The following CCDC73 variants were observed in gnomAD, a reference collection of about 807,000 sequenced individuals.
CCDC73 encodes coiled-coil domain-containing protein 73.
In CCDC73, 95 loss-of-function variants were observed where a neutral mutation model predicts 116.5. That is an observed-to-expected ratio of 0.82 (90% CI 0.69 to 0.97). CCDC73 has a LOEUF of 0.97. CCDC73 is among the 50% of genes least tolerant of loss of function. The pLI is 0.00. For synonymous variants in CCDC73, 398 were observed against 401.3 expected, an observed-to-expected ratio of 0.99 and a Z score of 0.10; for missense variants, 1,066 against 1,206.8, an observed-to-expected ratio of 0.88 and a Z score of 1.73.
chr11:32,742,512 T>C (rs961236483), intron 2 of CCDC73, among the ~76,000 whole-genome samples: 1 of 152,236 alleles, frequency 6.6e-6, no homozygotes, highest in African/African-American at 2.4e-5. Flanking sequence ...TGTTTGCTTT[T>C]TTCTTGTAAA....
intron 9 of CCDC73, among the ~76,000 whole-genome samples, chr11:32,666,458 T>A (rs1473506373): frequency 1.3e-5 from 2 of 152,388 alleles, no homozygotes; most frequent in African/African-American, 4.8e-5. Context: ...AATCGGCTAC[T>A]GAAGCTTGTG....
the CCDC73 span, among the ~76,000 whole-genome samples, chr11:32,825,713 C>T: frequency 6.6e-6 from 1 of 152,218 alleles, no homozygotes; most frequent in South Asian, 2.1e-4. Flanking sequence ...GCAACTGATG[C>T]CAAATAATCT....
rs539624927 is a variant in CCDC73, at chr11:32,607,495, G to C, written c.3030+3637C>G. Reference sequence around the variant, plus strand: ...TAATTATAAAAATGGGCTTTCAAGTGAGATGTGAAATTTCCACTGTTTGAA... The same window carrying C: ...TAATTATAAAAATGGGCTTTCAAGTCAGATGTGAAATTTCCACTGTTTGAA... On this transcript the variant is annotated intron_variant, in intron 17 of 17. Coordinates refer to ENST00000335185, the MANE Select transcript of CCDC73 (RefSeq NM_001008391.4). Among the ~76,000 whole-genome samples, 25 of 152,336 alleles carry C rather than the reference G, an allele frequency of 1.6e-4. No individual in the cohort carries two copies. In the East Asian group the frequency reaches 4.8e-3, roughly 29 times the overall value.
intron 1 of CCDC73, 198 bp downstream of exon 1, chr11:32,794,415 T>C (rs1194804728): frequency 1.3e-5 from 2 of 152,216 alleles, no homozygotes; most frequent in African/African-American, 2.4e-5. Flanking sequence ...TTCTCCTGGG[T>C]CGGGAGCGTG....
chr11:32,717,740 A>G (rs1022126408), intron 3 of CCDC73, among the ~76,000 whole-genome samples: 1 of 152,222 alleles, frequency 6.6e-6, no homozygotes, highest in Non-Finnish European at 1.5e-5. Context: ...AGAACTGCCC[A>G]AGACTGGGTA....
At chr11:32,726,366 A>G (rs11031952) in intron 2 of CCDC73, among the ~76,000 whole-genome samples, 15,434 of 152,234 alleles carry the variant, frequency 0.1, 1,052 homozygotes, top group Non-Finnish European at 0.15. Context: ...TAAAAGACAA[A>G]CCATATGGAA....
intron 2 of CCDC73, among the ~76,000 whole-genome samples, chr11:32,735,477 T>A (rs1590621077): frequency 6.6e-6 from 1 of 152,172 alleles, no homozygotes; most frequent in East Asian, 1.9e-4. Context: ...AAGGAACTCT[T>A]CAAGAAGAAC....
At chr11:32,607,849 A>G (rs1477276106) in intron 17 of CCDC73, among the ~76,000 whole-genome samples, 2 of 152,170 alleles carry the variant, frequency 1.3e-5, no homozygotes, top group African/African-American at 4.8e-5. Flanking sequence ...ACAGTTTCAC[A>G]TGACTGGGGA....
intron 13 of CCDC73, among the ~76,000 whole-genome samples, chr11:32,636,316 G>A (rs1462814724): frequency 5.3e-5 from 8 of 151,750 alleles, no homozygotes; most frequent in South Asian, 2.1e-4. Flanking sequence ...TAATTTTCTT[G>A]TTACAAATTG....
intron 13 of CCDC73, among the ~76,000 whole-genome samples, chr11:32,637,869 G>A (rs928519585): frequency 2.0e-5 from 3 of 152,102 alleles, no homozygotes; most frequent in Admixed American, 6.6e-5. Flanking sequence ...TCTCCTAGGA[G>A]TAGATTAACA....
chr11:32,737,697 C>T (rs1056985962), intron 2 of CCDC73, among the ~76,000 whole-genome samples: 2 of 151,812 alleles, frequency 1.3e-5, no homozygotes, highest in African/African-American at 4.8e-5. Context: ...TACAAATAAT[C>T]CAGTTAATAC....
intron 6 of CCDC73, among the ~76,000 whole-genome samples, chr11:32,684,107 G>A (rs1039439973): frequency 6.6e-6 from 1 of 152,138 alleles, no homozygotes; most frequent in Non-Finnish European, 1.5e-5. Flanking sequence ...GAATACACTA[G>A]GATGATCACA....
At chr11:32,693,709 A>G (rs1235111297) in intron 6 of CCDC73, among the ~76,000 whole-genome samples, 1 of 152,224 alleles carries the variant, frequency 6.6e-6, no homozygotes, top group African/African-American at 2.4e-5. Flanking sequence ...TCAAAAAGCT[A>G]TCCACCACGA....
At chr11:32,741,071 A>C (rs1011503072) in intron 2 of CCDC73, among the ~76,000 whole-genome samples, 6 of 152,114 alleles carry the variant, frequency 3.9e-5, no homozygotes, top group Admixed American at 3.3e-4. Context: ...ATGTTTTAAG[A>C]CTTGTTTTGT....
At chr11:32,692,821 A>C (rs1856273047) in intron 6 of CCDC73, among the ~76,000 whole-genome samples, 1 of 152,240 alleles carries the variant, frequency 6.6e-6, no homozygotes, top group African/African-American at 2.4e-5. Context: ...GTCTTACCAC[A>C]GGACTATGTA....
At chr11:32,743,838 T>C (rs1850210880) in intron 2 of CCDC73, among the ~76,000 whole-genome samples, 1 of 152,188 alleles carries the variant, frequency 6.6e-6, no homozygotes. Flanking sequence ...AAATATACAA[T>C]CATGTCATCT....
chr11:32,675,746 T>C, intron 8 of CCDC73, 102 bp from the exon 9 acceptor site: 3 of 1,163,512 alleles, frequency 2.6e-6, no homozygotes, highest in African/African-American at 1.6e-5. Flanking sequence ...GCAATATATA[T>C]GTTATTTAAT....
rs560598869 is a variant in CCDC73, at chr11:32,683,438, A to C, written c.429+98T>G. 353 of 794,844 alleles carry C rather than the reference A, an allele frequency of 4.4e-4. 1 individual carries two copies. In the African/African-American group the frequency reaches 5.5e-3, roughly 12 times the overall value. 49.2% of individuals were successfully genotyped at this position (794,844 alleles called of 1,614,324 possible). ...ACAGTAATATTCAGTTTCAACAATT[A>C]ATTTTTTCACTATAAATGTCACATT... is the stretch of plus-strand genomic sequence containing the variant. On this transcript the variant is annotated intron_variant, in intron 7 of 17. Coordinates refer to ENST00000335185, the MANE Select transcript of CCDC73 (RefSeq NM_001008391.4).
chr11:32,690,777 T>C (rs549536035), intron 6 of CCDC73, among the ~76,000 whole-genome samples: 4 of 152,298 alleles, frequency 2.6e-5, no homozygotes, highest in African/African-American at 9.6e-5. Context: ...TGTTCATAAA[T>C]TACCCAGTCT....
Sources: allele counts gnomAD v4.1 joint callset (sites outside exome capture counted in the v4.1 genomes callset), GRCh38; gene constraint gnomAD v4.1.1; transcripts MANE v1.5; gene names NCBI Gene and HGNC (gene_info 2026-07-23, HGNC 2026-07-21).